RIT2: variants seen among roughly 807,000 people sequenced by gnomAD.
RIT2 encodes Ras like without CAAX 2, also known as GTP-binding protein Rit2.
Under a neutral mutation model 23.7 loss-of-function variants are expected in RIT2, and 24 were observed. That is an observed-to-expected ratio of 1.01 (90% CI 0.73 to 1.43). RIT2 has a LOEUF of 1.43. Among genes scored for constraint, RIT2 ranks in the 40% most tolerant of loss-of-function variants. The pLI is 0.00. For synonymous variants in RIT2, 107 were observed against 91.1 expected, an observed-to-expected ratio of 1.17 and a Z score of -0.99; for missense variants, 236 against 266.9, an observed-to-expected ratio of 0.88 and a Z score of 0.81.
intron 1 of RIT2, among the ~76,000 whole-genome samples, chr18:43,105,100 C>CTGTGTG (rs756311809): frequency 0.019 from 2,726 of 143,008 alleles, 63 homozygotes; most frequent in African/African-American, 0.055. Context: ...AGGCAGTGTG[C>CTGTGTG]TGTGTGTGTG....
intron 4 of RIT2, among the ~76,000 whole-genome samples, chr18:42,905,886 A>T (rs1908600567): frequency 6.6e-6 from 1 of 150,744 alleles, no homozygotes; most frequent in Non-Finnish European, 1.5e-5. Flanking sequence ...GCTTTAGCAG[A>T]ACTAGGGATA....
intron 4 of RIT2, among the ~76,000 whole-genome samples, chr18:42,853,908 T>C (rs1349933109): frequency 6.6e-6 from 1 of 152,244 alleles, no homozygotes; most frequent in Non-Finnish European, 1.5e-5. Flanking sequence ...AAATTTATTG[T>C]ATTCAAATAA....
At chr18:43,073,347 G>A (rs781313226) in intron 1 of RIT2, among the ~76,000 whole-genome samples, 8 of 152,124 alleles carry the variant, frequency 5.3e-5, no homozygotes, top group South Asian at 2.1e-4. Context: ...TCATTGCTTG[G>A]TTATGTTCTT....
At chr18:42,974,669 C>A in intron 2 of RIT2, among the ~76,000 whole-genome samples, 1 of 151,620 alleles carries the variant, frequency 6.6e-6, no homozygotes, top group African/African-American at 2.4e-5. Flanking sequence ...TATGTAGAAC[C>A]CTAAAGATTA....
chr18:42,911,930 T>C (rs888041838), intron 4 of RIT2, among the ~76,000 whole-genome samples: 28 of 151,916 alleles, frequency 1.8e-4, no homozygotes, highest in African/African-American at 5.8e-4. Context: ...TCCTAATTCA[T>C]ATTATGAAGC....
At chr18:42,847,456 A>T (rs1018344467) in intron 4 of RIT2, among the ~76,000 whole-genome samples, 3 of 150,612 alleles carry the variant, frequency 2.0e-5, no homozygotes, top group African/African-American at 7.4e-5. Context: ...CATTTTATTT[A>T]AAAAAAAATA....
At chr18:42,753,499 G>T (rs1376404606) in intron 4 of RIT2, among the ~76,000 whole-genome samples, 2 of 152,112 alleles carry the variant, frequency 1.3e-5, no homozygotes, top group Admixed American at 1.3e-4. Flanking sequence ...TATGCCTACT[G>T]GGTGCTGTTA....
At chr18:43,073,044 G>A (rs1444978406) in intron 1 of RIT2, among the ~76,000 whole-genome samples, 2 of 152,066 alleles carry the variant, frequency 1.3e-5, no homozygotes, top group Non-Finnish European at 2.9e-5. Context: ...GTGATCTTAG[G>A]GCAAATTGCT....
chr18:43,094,526 G>A (rs1361194451), intron 1 of RIT2, among the ~76,000 whole-genome samples: 3 of 151,970 alleles, frequency 2.0e-5, no homozygotes, highest in Non-Finnish European at 4.4e-5. Flanking sequence ...ACAGAAAATG[G>A]CATTGAGTTT....
intron 4 of RIT2, among the ~76,000 whole-genome samples, chr18:42,902,956 C>G (rs1205758601): frequency 6.6e-6 from 1 of 151,196 alleles, no homozygotes; most frequent in East Asian, 1.9e-4. Context: ...ATATTATTTA[C>G]AAGAAGCACA....
chr18:42,928,449 T>C (rs1909238277), intron 3 of RIT2, among the ~76,000 whole-genome samples: 1 of 152,068 alleles, frequency 6.6e-6, no homozygotes, highest in Admixed American at 6.6e-5. Context: ...AGATTATGTA[T>C]AGTCACTCTT....
At chr18:43,092,717 AG>A (rs1472968060) in intron 1 of RIT2, among the ~76,000 whole-genome samples, 1 of 152,086 alleles carries the variant, frequency 6.6e-6, no homozygotes, top group Non-Finnish European at 1.5e-5. Flanking sequence ...ACGTCAAAAC[AG>A]TTTCTCAATA....
intron 4 of RIT2, among the ~76,000 whole-genome samples, chr18:42,837,649 G>A (rs987796133): frequency 6.6e-6 from 1 of 152,106 alleles, no homozygotes; most frequent in Admixed American, 6.5e-5. Flanking sequence ...CTTTAGATAA[G>A]AGAAGCAAAA....
At chr18:42,870,771 GA>G (rs979120870) in intron 4 of RIT2, among the ~76,000 whole-genome samples, 83 of 149,682 alleles carry the variant, frequency 5.5e-4, no homozygotes, top group African/African-American at 1.4e-3. Context: ...GAGATGATAA[GA>G]AAAAAAAAAT....
chr18:42,915,179 CA>C (rs1908874823), intron 4 of RIT2, among the ~76,000 whole-genome samples: 1 of 151,310 alleles, frequency 6.6e-6, no homozygotes, highest in Non-Finnish European at 1.5e-5. Context: ...CACACACACA[CA>C]CACACCATGC....
chr18:42,837,139 T>C (rs2144017940), intron 4 of RIT2, among the ~76,000 whole-genome samples: 1 of 141,910 alleles, frequency 7.0e-6, no homozygotes, highest in Non-Finnish European at 1.5e-5. Context: ...AAAAATTTCT[T>C]TTTTTTTCTT....
chr18:42,828,224 A>C (rs1227941043), intron 4 of RIT2, among the ~76,000 whole-genome samples: 1 of 152,178 alleles, frequency 6.6e-6, no homozygotes, highest in Non-Finnish European at 1.5e-5. Context: ...TATGTTACAC[A>C]TATGCAATTA....
chr18:42,946,708 T>G (rs1450015230), intron 3 of RIT2, among the ~76,000 whole-genome samples: 1 of 152,020 alleles, frequency 6.6e-6, no homozygotes, highest in East Asian at 1.9e-4. Context: ...AAAACTATAT[T>G]GCCTAAAATC....
chr18:42,956,184 G>T (rs1909966732), intron 3 of RIT2, among the ~76,000 whole-genome samples: 1 of 152,092 alleles, frequency 6.6e-6, no homozygotes, highest in African/African-American at 2.4e-5. Flanking sequence ...TCCAAGGATA[G>T]ATCTACCTTC....
Sources: gnomAD v4.1 joint callset for allele counts (sites outside exome capture counted in the v4.1 genomes callset) on GRCh38, gnomAD v4.1.1 for gene constraint, MANE v1.5 for transcripts, NCBI Gene and HGNC (gene_info 2026-07-23, HGNC 2026-07-21) for gene names.